Variants in BCAS3 observed in about 807,000 individuals in gnomAD.
BCAS3 encodes the protein BCAS3 microtubule associated cell migration factor.
In BCAS3, 53 loss-of-function variants were observed where a neutral mutation model predicts 116.1. The ratio of observed to expected loss-of-function variants is 0.46; its 90% CI spans 0.37 to 0.57. The LOEUF (loss-of-function observed/expected upper bound fraction) is 0.57, where lower values mean the gene tolerates loss of function less well. Ranked by LOEUF, BCAS3 falls within the 20% of genes least tolerant of loss-of-function variation. The pLI is 0.00. For synonymous variants in BCAS3, 391 were observed against 408.2 expected (o/e 0.96, Z 0.51); for missense variants, 917 against 1,165.4 (o/e 0.79, Z 3.10).
At chr17:60,834,700 C>T (rs2144736077) in intron 7 of BCAS3, among the ~76,000 whole-genome samples, 1 of 152,038 alleles carries the variant, frequency 6.6e-6, no homozygotes, top group Admixed American at 6.5e-5. Flanking sequence ...TTAGTATCCT[C>T]ATTTCAAGTA....
At chr17:60,975,939 T>C (rs2062317258) in intron 14 of BCAS3, among the ~76,000 whole-genome samples, 1 of 151,710 alleles carries the variant, frequency 6.6e-6, no homozygotes, top group African/African-American at 2.4e-5. Flanking sequence ...TGTTTATTCA[T>C]TTATCAATTG....
intron 22 of BCAS3, among the ~76,000 whole-genome samples, chr17:61,283,484 G>C (rs187460302): frequency 1.3e-5 from 2 of 148,966 alleles, no homozygotes; most frequent in Admixed American, 6.7e-5. Context: ...AGACGAGTCT[G>C]GCTCTGTCGC....
intron 5 of BCAS3, among the ~76,000 whole-genome samples, chr17:60,739,733 T>C (rs1182730847): frequency 2.0e-5 from 3 of 152,238 alleles, no homozygotes; most frequent in Admixed American, 2.0e-4. Context: ...CCTTTTTCCC[T>C]GTAGAACTTC....
At chr17:60,880,059 T>C (rs16944672) in intron 9 of BCAS3, among the ~76,000 whole-genome samples, 28,636 of 152,146 alleles carry the variant, frequency 0.19, 3,278 homozygotes, top group African/African-American at 0.32. Context: ...TGAATATATA[T>C]GCAGTGAACT....
chr17:60,793,247 C>A (rs2144550818), intron 6 of BCAS3, among the ~76,000 whole-genome samples: 1 of 152,242 alleles, frequency 6.6e-6, no homozygotes, highest in Non-Finnish European at 1.5e-5. Flanking sequence ...CAGGCACCTG[C>A]CACCATGCCC....
Position 61,392,269 on chromosome 17 carries a change from C to A in BCAS3, c.*144C>A. 1.0e-6 allele frequency: 1 copy of A among 993,518 alleles called. No individual in the cohort carries two copies. The highest frequency in any genetic ancestry group is 1.5e-6 in the Non-Finnish European group (1 of 689,310). 61.5% of individuals were successfully genotyped at this position (993,518 alleles called of 1,614,324 possible). On this transcript the variant is annotated 3_prime_UTR_variant, in exon 24 of 24. Coordinates refer to ENST00000407086, the MANE Select transcript of BCAS3 (RefSeq NM_017679.5). This position sits in a 1 kb window ranked among gnomAD's most constrained non-coding sequence, Gnocchi z 6.4. ...TTAGTGACAGCAGCCGCCCATCCTACCTGGATGGAGAAGAGACCCTTCTCC... is the reference window on the plus strand; with the variant it reads ...TTAGTGACAGCAGCCGCCCATCCTAACTGGATGGAGAAGAGACCCTTCTCC...
chr17:60,686,246 G>C (rs1315293261), intron 3 of BCAS3, among the ~76,000 whole-genome samples: 1 of 152,056 alleles, frequency 6.6e-6, no homozygotes, highest in Non-Finnish European at 1.5e-5. Context: ...ATTTAATTCA[G>C]AGTCCTGCGT....
rs183804488 is a variant in BCAS3 at position 60,873,269 on chromosome 17, A to T, written c.585-1393A>T. 5.3e-3 allele frequency among the ~76,000 whole-genome samples: 806 copies of T among 152,244 alleles called. 4 individuals carry two copies. The highest frequency in any genetic ancestry group is 5.8e-3 in the Non-Finnish European group (392 of 67,966). The stretch of plus-strand genomic sequence containing the variant: ...TTAACAGGCCCAGCTAGAAAAAAAA[A>T]TTGCAAGGATCTAACAGTAGTCACT... On this transcript the variant is annotated intron_variant, in intron 8 of 23. Coordinates refer to ENST00000407086, the MANE Select transcript of BCAS3 (RefSeq NM_017679.5).
At chr17:60,937,832 A>G (rs889815022) in intron 13 of BCAS3, among the ~76,000 whole-genome samples, 4 of 152,318 alleles carry the variant, frequency 2.6e-5, no homozygotes, top group East Asian at 3.9e-4. Flanking sequence ...ATTATTGTCT[A>G]TGACATGAAT....
rs528036081 is a variant in BCAS3, at chr17:61,239,543, A to T, written c.2426-128784A>T. ...TGACGTTAATCATTTGCATTTTATC[A>T]GTGGCTCCAAGATTAATATAAAAAG... On this transcript the variant is annotated intron_variant, in intron 22 of 23. Transcript: ENST00000407086. This position sits in a 1 kb window ranked among gnomAD's most constrained non-coding sequence, Gnocchi z 4.2. 5.9e-5 allele frequency among the ~76,000 whole-genome samples: 9 copies of T among 152,322 alleles called. No individual in the cohort carries two copies. The South Asian group carries it at 1.9e-3, about 32-fold the overall frequency.
chr17:61,238,206 C>G (rs1361060501), intron 22 of BCAS3, among the ~76,000 whole-genome samples: 1 of 143,922 alleles, frequency 6.9e-6, no homozygotes, highest in Non-Finnish European at 1.5e-5. Context: ...GCACCCGCCA[C>G]CACACCTGGC....
chr17:61,108,364 T>G (rs1216477567), intron 22 of BCAS3, among the ~76,000 whole-genome samples: 1 of 152,188 alleles, frequency 6.6e-6, no homozygotes, highest in Non-Finnish European at 1.5e-5. Context: ...GTCATGTGTT[T>G]TAGTCCATTC....
intron 13 of BCAS3, among the ~76,000 whole-genome samples, chr17:60,933,240 T>C (rs541965711): frequency 2.0e-5 from 3 of 152,360 alleles, no homozygotes; most frequent in East Asian, 1.9e-4. Flanking sequence ...TATACTATTA[T>C]GTTTTTGGAC....
intron 13 of BCAS3, among the ~76,000 whole-genome samples, chr17:60,926,358 A>G (rs1365310012): frequency 6.6e-6 from 1 of 152,170 alleles, no homozygotes; most frequent in East Asian, 1.9e-4. Context: ...AATTGATGGG[A>G]AAAGCCAATC....
intron 22 of BCAS3, among the ~76,000 whole-genome samples, chr17:61,109,000 AC>A (rs1308602454): frequency 6.6e-6 from 1 of 152,104 alleles, no homozygotes; most frequent in African/African-American, 2.4e-5. Context: ...ATCCTGGCCA[AC>A]ATGGTGAAAC....
intron 22 of BCAS3, among the ~76,000 whole-genome samples, chr17:61,267,732 A>G (rs1248961106): frequency 6.6e-6 from 1 of 151,730 alleles, no homozygotes; most frequent in Non-Finnish European, 1.5e-5. Context: ...CAGAAAAAAA[A>G]AAAAAGAAAA....
intron 22 of BCAS3, among the ~76,000 whole-genome samples, chr17:61,093,367 G>A (rs1460561925): frequency 6.6e-6 from 1 of 152,152 alleles, no homozygotes; most frequent in African/African-American, 2.4e-5. Flanking sequence ...TGGGCAGATT[G>A]CATGAGCTTA....
chr17:61,196,543 GCCCCAAGGCTGGTTAGT>G lies in BCAS3; in HGVS notation c.2425+111984_2425+112000del, dbSNP rs1161269701. Among the ~76,000 whole-genome samples the G allele has an allele frequency of 1.3e-5, 2 of 152,226 alleles. No homozygotes were observed. The highest frequency in any genetic ancestry group is 2.9e-5 in the Non-Finnish European group (2 of 68,042). ...CAACAGCTGGGAAGGGTTGGAAGTA[GCCCCAAGGCTGGTTAGT>G]CCCCTTCCAGATGGGGAGGTTAGAC... On this transcript the variant is annotated intron_variant, in intron 22 of 23. Transcript: ENST00000407086. This position sits in a 1 kb window ranked among gnomAD's most constrained non-coding sequence, Gnocchi z 4.7.
rs527256308 is a variant in BCAS3, at chr17:61,140,960, A to G, written c.2425+56396A>G. Among the ~76,000 whole-genome samples, 1 of 152,020 alleles carries G rather than the reference A, an allele frequency of 6.6e-6. No homozygotes were observed. Among genetic ancestry groups the G allele is most frequent in the African/African-American group, 2.4e-5 (1 of 41,476 alleles). ...ATTTGAGTGTTTTTTTTTTCCCCCA[A>G]AAGTATAATAGTGAAATGGGGCAGG... On this transcript the variant is annotated intron_variant, in intron 22 of 23. Coordinates refer to ENST00000407086, the MANE Select transcript of BCAS3 (RefSeq NM_017679.5). The surrounding 1 kb of genome is among the most constrained non-coding windows in gnomAD (Gnocchi z 4.2).
Sources: gnomAD v4.1 joint callset for allele counts (sites outside exome capture counted in the v4.1 genomes callset) on GRCh38, gnomAD v4.1.1 for gene constraint, Gnocchi (gnomAD v3.1) non-coding constraint, MANE v1.5 for transcripts, NCBI Gene and HGNC (gene_info 2026-07-23, HGNC 2026-07-21) for gene names.